The following ITGA1 variants were observed in gnomAD, a reference collection of about 807,000 sequenced individuals.
ITGA1 encodes integrin alpha-1.
Under a neutral mutation model 145.9 loss-of-function variants are expected in ITGA1, and 85 were observed. That is an observed-to-expected ratio of 0.58 (90% CI 0.49 to 0.70). The LOEUF (loss-of-function observed/expected upper bound fraction) is 0.70. Among genes scored for constraint, ITGA1 ranks in the 30% least tolerant of loss-of-function variants. The pLI is 0.00. For synonymous variants in ITGA1, 520 were observed against 495.3 expected, an observed-to-expected ratio of 1.05 and a Z score of -0.66; for missense variants, 1,351 against 1,418.7, an observed-to-expected ratio of 0.95 and a Z score of 0.77.
intron 5 of ITGA1, 137 bp from the exon 6 acceptor site, chr5:52,865,553 T>C: frequency 1.6e-6 from 1 of 641,324 alleles, no homozygotes; most frequent in Admixed American, 3.4e-5. Flanking sequence ...AACTATTTTT[T>C]ATTGCTAAAA....
At chr5:52,860,128 A>C (rs766641284) in intron 2 of ITGA1, among the ~76,000 whole-genome samples, 2 of 152,214 alleles carry the variant, frequency 1.3e-5, no homozygotes, top group Admixed American at 6.5e-5. Context: ...CAGAATGTTG[A>C]GATTCATCTG....
rs1204055769 is a variant in ITGA1 at position 52,957,492 on chromosome 5, A to C, written c.*5041A>C. 1 of 151,800 alleles carries C rather than the reference A, an allele frequency of 6.6e-6. No individual in the cohort carries two copies. The highest frequency in any genetic ancestry group is 1.9e-4 in the East Asian group (1 of 5,188). 9.4% of individuals were successfully genotyped at this position (151,800 alleles called of 1,614,324 possible). A position where few individuals can be genotyped will look rare whatever the true frequency, so the allele number is the denominator to read the frequency against. On this transcript the variant is annotated 3_prime_UTR_variant, in exon 29 of 29. Transcript: ENST00000282588. The stretch of plus-strand genomic sequence containing the variant: ...TAGCAAAAGCTTTCCCCAGTAGCTG[A>C]TGAATTTAGAACTTTATACAAGACT...
chr5:52,846,075 G>C (rs957741439), intron 1 of ITGA1, among the ~76,000 whole-genome samples: 27 of 152,196 alleles, frequency 1.8e-4, no homozygotes, highest in African/African-American at 6.3e-4. Context: ...ACCTCTACAA[G>C]TGGTTACTAT....
At chr5:52,815,808 G>A (rs185958455) in intron 1 of ITGA1, among the ~76,000 whole-genome samples, 1 of 152,218 alleles carries the variant, frequency 6.6e-6, no homozygotes, top group African/African-American at 2.4e-5. Context: ...AATAGTAGTT[G>A]GGTTGTGATG....
intron 1 of ITGA1, among the ~76,000 whole-genome samples, chr5:52,823,245 C>G (rs973306693): frequency 6.6e-6 from 1 of 152,110 alleles, no homozygotes; most frequent in Admixed American, 6.5e-5. Flanking sequence ...TGCTCTGTTG[C>G]CCAGGCTGGA....
Position 52,877,656 on chromosome 5 carries a change from C to A in ITGA1, c.625-4217C>A, listed in dbSNP as rs1028267968. ...ATAACTGCAAAACTGCCCTGAGCTT[C>A]TCCTCTCTGCCTGTGAGGTAGTCCT... On this transcript the variant is annotated intron_variant, in intron 6 of 28. Transcript: ENST00000282588. Among the ~76,000 whole-genome samples the A allele has an allele frequency of 3.3e-5, 5 of 152,368 alleles. No individual in the cohort carries two copies. In the South Asian group the frequency reaches 1.0e-3, roughly 32 times the overall value.
intron 24 of ITGA1, among the ~76,000 whole-genome samples, 174 bp from the exon 25 acceptor site, chr5:52,939,416 A>G (rs904031057): frequency 6.6e-6 from 1 of 152,210 alleles, no homozygotes. Context: ...GGGTGGATAT[A>G]TATGTATGTA....
chr5:52,902,920 G>A (rs1294694114), intron 11 of ITGA1: 4 of 151,872 alleles, frequency 2.6e-5, no homozygotes, highest in Non-Finnish European at 5.9e-5. Flanking sequence ...ACACTATTAA[G>A]CTTAAATATT....
intron 1 of ITGA1, among the ~76,000 whole-genome samples, chr5:52,806,004 A>G (rs1716374118): frequency 6.6e-6 from 1 of 152,190 alleles, no homozygotes; most frequent in South Asian, 2.1e-4. Flanking sequence ...AGAGCTGAAG[A>G]GCAACTTAAG....
chr5:52,794,667 TAAAAC>T (rs1462501249), intron 1 of ITGA1, among the ~76,000 whole-genome samples: 2 of 151,014 alleles, frequency 1.3e-5, no homozygotes, highest in South Asian at 2.1e-4. Context: ...AAAAAACAAA[TAAAAC>T]AAACAAAAAA....
chr5:52,925,109 T>A lies in ITGA1; in HGVS notation c.2404-169T>A, dbSNP rs370192814. 3.0e-4 allele frequency among the ~76,000 whole-genome samples: 46 copies of A among 152,336 alleles called. No homozygotes were observed. The East Asian group carries it at 8.7e-3, about 29-fold the overall frequency. On this transcript the variant is annotated intron_variant, in intron 18 of 28. Coordinates refer to ENST00000282588, the MANE Select transcript of ITGA1 (RefSeq NM_181501.2). ...AGTAAATGTTTACTCTTCTCCCCTA[T>A]AAATTACAGGGATAAATATAAAATC...
At position 52,954,281 on chromosome 5, in the gene ITGA1, G is replaced by A; in HGVS notation, c.*1830G>A. 6.6e-6 allele frequency: 1 copy of A among 152,214 alleles called. No homozygotes were observed. Among genetic ancestry groups the A allele is most frequent in the Non-Finnish European group, 1.5e-5 (1 of 68,062 alleles). The allele number at this position is 152,214 out of a possible 1,614,324, so 9.4% of individuals were successfully genotyped here. A position where few individuals can be genotyped will look rare whatever the true frequency, so the allele number is the denominator to read the frequency against. On this transcript the variant is annotated 3_prime_UTR_variant, in exon 29 of 29. Transcript: ENST00000282588. ...AGTTACCATGTTGCACACCCCCAGT[G>A]CTCAGCCTGCCCAGAAGCCCTTCTC... is the stretch of plus-strand genomic sequence containing the variant.
chr5:52,827,079 C>T (rs990748713), intron 1 of ITGA1, among the ~76,000 whole-genome samples: 1 of 146,392 alleles, frequency 6.8e-6, no homozygotes, highest in Non-Finnish European at 1.5e-5. Flanking sequence ...ATTATAGATG[C>T]CATTAAGAAC....
At chr5:52,829,168 C>T (rs1749017372) in intron 1 of ITGA1, among the ~76,000 whole-genome samples, 1 of 152,064 alleles carries the variant, frequency 6.6e-6, no homozygotes, top group African/African-American at 2.4e-5. Flanking sequence ...ACAATTCAGC[C>T]CACTATAATG....
intron 10 of ITGA1, among the ~76,000 whole-genome samples, chr5:52,897,734 A>T (rs937806678): frequency 1.3e-5 from 2 of 152,146 alleles, no homozygotes; most frequent in African/African-American, 4.8e-5. Flanking sequence ...CACACAGTTC[A>T]CTACATTGTA....
At position 52,881,892 on chromosome 5, in the gene ITGA1, G is replaced by A; in HGVS notation, c.644G>A (p.Gly215Glu). ...TTTCAGGTTGGAATTGTACAGTATG[G>A]AGAAAACGTGACCCATGAGTTCAAC... ...KQTQVGIVQY[G>E]ENVTHEFNLN... is the part of the protein sequence containing the mutation. Residue 215 changes from glycine (G) to glutamate (E), a missense_variant, in exon 7 of 29, where the codon GGA becomes GAA. Physicochemically the swap from Gly to Glu is moderately conservative, Grantham distance 98. Coordinates refer to ENST00000282588, the MANE Select transcript of ITGA1 (RefSeq NM_181501.2). 6.2e-7 allele frequency: 1 copy of A among 1,613,428 alleles called. No individual in the cohort carries two copies. The highest frequency in any genetic ancestry group is 1.1e-5 in the South Asian group (1 of 91,012).
chr5:52,949,342 C>T (rs1579737189), intron 28 of ITGA1, among the ~76,000 whole-genome samples: 1 of 152,296 alleles, frequency 6.6e-6, no homozygotes, highest in South Asian at 2.1e-4. Flanking sequence ...CCCAAAGACA[C>T]ATAGTGAGAT....
At chr5:52,939,811 C>G in intron 25 of ITGA1, 29 bp from the exon 26 acceptor site, 1 of 1,476,686 alleles carries the variant, frequency 6.8e-7, no homozygotes, top group Non-Finnish European at 9.5e-7. Context: ...GGCAAGAATA[C>G]TGATATGTAT....
Position 52,897,656 on chromosome 5 carries a change from A to C in ITGA1, c.1164+128A>C, listed in dbSNP as rs1579705120. 3.3e-5 allele frequency: 21 copies of C among 642,542 alleles called. 1 individual carries two copies. The South Asian group carries it at 4.0e-4, about 12-fold the overall frequency. The allele number at this position is 642,542 out of a possible 1,614,324, so 39.8% of individuals were successfully genotyped here. On this transcript the variant is annotated intron_variant, in intron 10 of 28. Coordinates refer to ENST00000282588, the MANE Select transcript of ITGA1 (RefSeq NM_181501.2). ...AGCTTGAACAATTATGCAGGCTATG[A>C]TGATGTTTTCTAATTCAAATAGGAA...
Sources: gnomAD v4.1 joint callset for allele counts (sites outside exome capture counted in the v4.1 genomes callset) on GRCh38, gnomAD v4.1.1 for gene constraint, MANE v1.5 for transcripts, NCBI Gene and HGNC (gene_info 2026-07-23, HGNC 2026-07-21) for gene names.